Variants in PKHD1L1 observed in about 807,000 individuals in gnomAD.
PKHD1L1 encodes the protein PKHD1 like 1.
In PKHD1L1, 434 loss-of-function variants were observed where a neutral mutation model predicts 462.9. That is an observed-to-expected ratio of 0.94 (90% CI 0.87 to 1.02). The LOEUF (loss-of-function observed/expected upper bound fraction) is 1.02, where lower values mean the gene tolerates loss of function less well. Among genes scored for constraint, PKHD1L1 ranks in the 50% least tolerant of loss-of-function variants. The pLI, the probability that PKHD1L1 is intolerant of heterozygous loss-of-function variation, is 0.00. For synonymous variants in PKHD1L1, 1,781 were observed against 1,750.0 expected, an observed-to-expected ratio of 1.02 and a Z score of -0.44; for missense variants, 5,202 against 5,096.1, an observed-to-expected ratio of 1.02 and a Z score of -0.63.
intron 56 of PKHD1L1, among the ~76,000 whole-genome samples, chr8:109,482,658 A>C (rs1172396644): frequency 8.1e-6 from 1 of 123,870 alleles, no homozygotes; most frequent in Non-Finnish European, 1.7e-5. Context: ...ATTATTTTAC[A>C]GTATTAGTAA....
chr8:109,464,592 G>C lies in PKHD1L1; in HGVS notation c.7760G>C (p.Arg2587Pro). Residue 2587 changes from arginine (R) to proline (P), a missense_variant, in exon 49 of 78, where the codon CGG becomes CCG. Arg to Pro is a moderately radical substitution (Grantham distance 103, BLOSUM62 -2). This residue lies in a region of PKHD1L1 where 4,497 missense variants were observed against 4,336.8 expected (regional missense o/e 1.04). Transcript: ENST00000378402. ...AGGTHFGFWY[R>P]MNNHPDGPSY... ...GGCACTCACTTTGGCTTTTGGTACC[G>C]GATGAACAACCACCCTGATGGGCCA... The C allele has an allele frequency of 6.2e-7, 1 of 1,612,696 alleles. No homozygotes were observed. The highest frequency in any genetic ancestry group is 2.2e-5 in the East Asian group (1 of 44,862).
chr8:109,382,504 A>G lies in PKHD1L1; in HGVS notation c.350A>G (p.Asp117Gly). Residue 117 changes from aspartate (D) to glycine (G), a missense_variant, in exon 4 of 78, where the codon GAC becomes GGC. Coordinates refer to ENST00000378402, the MANE Select transcript of PKHD1L1 (RefSeq NM_177531.6). Reference sequence around the variant, plus strand: ...TCCTACACTGTTAGAGTCAGTGTGGACGGGGTTCCTGTTACGGAAAATAAC... The same window carrying G: ...TCCTACACTGTTAGAGTCAGTGTGGGCGGGGTTCCTGTTACGGAAAATAAC... ...EDSYTVRVSV[D>G]GVPVTENNTC... The G allele has an allele frequency of 6.2e-7, 1 of 1,612,540 alleles. No homozygotes were observed. The highest frequency in any genetic ancestry group is 8.5e-7 in the Non-Finnish European group (1 of 1,179,150).
rs996031293 is a variant in PKHD1L1, at chr8:109,480,226, C to A, written c.9327+87C>A. The A allele has an allele frequency of 2.4e-5, 33 of 1,386,634 alleles. No homozygotes were observed. The African/African-American group carries it at 3.9e-4, about 16-fold the overall frequency. 85.9% of individuals were successfully genotyped at this position (1,386,634 alleles called of 1,614,324 possible). A position where few individuals can be genotyped will look rare whatever the true frequency, so the allele number is the denominator to read the frequency against. On this transcript the variant is annotated intron_variant, in intron 55 of 77. Transcript: ENST00000378402. Reference sequence around the variant, plus strand: ...TCAAATAATAAGAAAGAAGCATATTCAATTGGTGTGAATAAAAACACAACT... The same window carrying A: ...TCAAATAATAAGAAAGAAGCATATTAAATTGGTGTGAATAAAAACACAACT...
chr8:109,515,213 A>G lies in PKHD1L1; in HGVS notation c.11597A>G (p.Asp3866Gly), dbSNP rs1360928843. 1.9e-6 allele frequency: 3 copies of G among 1,604,158 alleles called. No homozygotes were observed. In the Admixed American group the frequency reaches 5.1e-5, roughly 27 times the overall value. The change falls in exon 72 of 78, where the codon GAT (aspartate) becomes GGT (glycine). Residue 3866 changes from aspartate (D) to glycine (G), a missense_variant. Asp to Gly is a moderately conservative substitution (Grantham distance 94, BLOSUM62 -1). Coordinates refer to ENST00000378402, the MANE Select transcript of PKHD1L1 (RefSeq NM_177531.6). ...TTCTTTTCCACACTTCAACGTTTGG[A>G]TGTCTATGTGAACAACTTATTGGTC... ...GIFFSTLQRL[D>G]VYVNNLLVCP...
Position 109,498,713 on chromosome 8 carries a change from A to G in PKHD1L1, c.10770A>G (p.Arg3590=). The G allele has an allele frequency of 6.2e-7, 1 of 1,614,000 alleles. No homozygotes were observed. The highest frequency in any genetic ancestry group is 8.5e-7 in the Non-Finnish European group (1 of 1,179,886). The change falls in exon 67 of 78, where the codon CGA becomes CGG. Residue 3590 remains arginine (R), a synonymous_variant. Transcript: ENST00000378402. The part of the protein sequence containing the change: ...TFASAHNMAP[R]KPHAGIMSYN... ...CTTCAGCTCATAACATGGCACCCCGAAAGCCCCATGCAGGAATCATGAGTT... is the reference window on the plus strand; with the variant it reads ...CTTCAGCTCATAACATGGCACCCCGGAAGCCCCATGCAGGAATCATGAGTT...
intron 26 of PKHD1L1, 59 bp from the exon 27 acceptor site, chr8:109,429,873 C>T (rs757561122): frequency 7.4e-6 from 8 of 1,086,160 alleles, no homozygotes; most frequent in Admixed American, 3.9e-5. Context: ...AAAACCTATT[C>T]ATATTCTACT....
At chr8:109,514,494 T>A (rs1332336512) in intron 71 of PKHD1L1, among the ~76,000 whole-genome samples, 1 of 152,176 alleles carries the variant, frequency 6.6e-6, no homozygotes, top group Non-Finnish European at 1.5e-5. Context: ...TAGAAGAGAA[T>A]ATTTTACCTC....
chr8:109,413,903 A>G (rs868805775), intron 21 of PKHD1L1, among the ~76,000 whole-genome samples: 9 of 152,232 alleles, frequency 5.9e-5, no homozygotes, highest in South Asian at 2.1e-4. Flanking sequence ...TTATCACAAT[A>G]TAGTCATTAT....
Position 109,419,190 on chromosome 8 carries a change from A to G in PKHD1L1, c.2454A>G (p.Ala818=). The G allele has an allele frequency of 1.9e-6, 3 of 1,613,566 alleles. No homozygotes were observed. Among genetic ancestry groups the G allele is most frequent in the Non-Finnish European group, 8.5e-7 (1 of 1,179,574 alleles). Residue 818 remains alanine, a synonymous_variant, in exon 22 of 78, where the codon GCA becomes GCG. Coordinates refer to ENST00000378402, the MANE Select transcript of PKHD1L1 (RefSeq NM_177531.6). ...VSLQRISLHK[A]SESQSFYVDV... is the part of the protein sequence containing the mutation. ...TTCAGAGGATTAGCTTACATAAAGC[A>G]TCAGAATCACAGTCCTTCTATGTGG...
intron 72 of PKHD1L1, 23 bp from the exon 73 acceptor site, chr8:109,518,144 G>A: frequency 9.8e-6 from 14 of 1,426,902 alleles, no homozygotes; most frequent in Non-Finnish European, 1.4e-5. Flanking sequence ...TAGCTGTGAT[G>A]TTCTGGCTTT....
intron 2 of PKHD1L1, among the ~76,000 whole-genome samples, chr8:109,376,587 T>C (rs1467647685): frequency 6.6e-6 from 1 of 152,132 alleles, no homozygotes; most frequent in Admixed American, 6.6e-5. Flanking sequence ...GTCTTCTGCA[T>C]CGCTCATGCT....
chr8:109,498,711 C>T lies in PKHD1L1; in HGVS notation c.10768C>T (p.Arg3590Ter), dbSNP rs374892431. ...TFASAHNMAP[R>*]KPHAGIMSYN... is the part of the protein sequence containing the mutation. Reference sequence around the variant, plus strand: ...TGCTTCAGCTCATAACATGGCACCCCGAAAGCCCCATGCAGGAATCATGAG... The same window carrying T: ...TGCTTCAGCTCATAACATGGCACCCTGAAAGCCCCATGCAGGAATCATGAG... The change falls in exon 67 of 78, where the codon CGA becomes TGA. Residue 3590 changes from arginine to a stop codon, truncating the protein, a stop_gained. Coordinates refer to ENST00000378402, the MANE Select transcript of PKHD1L1 (RefSeq NM_177531.6). LOFTEE classifies it high-confidence loss of function. 33 of 1,613,934 alleles carry T rather than the reference C, an allele frequency of 2.0e-5. No individual in the cohort carries two copies. Among genetic ancestry groups the T allele is most frequent in the Middle Eastern group, 1.6e-4 (1 of 6,062 alleles).
At chr8:109,472,595 G>C (rs1012481860) in intron 50 of PKHD1L1, among the ~76,000 whole-genome samples, 1 of 152,052 alleles carries the variant, frequency 6.6e-6, no homozygotes, top group Non-Finnish European at 1.5e-5. Flanking sequence ...AAGGCTCAAC[G>C]CAGGACATTG....
chr8:109,422,117 C>A (rs1198805159), intron 23 of PKHD1L1, among the ~76,000 whole-genome samples: 1 of 152,202 alleles, frequency 6.6e-6, no homozygotes, highest in East Asian at 1.9e-4. Context: ...ATCCTTTACC[C>A]ATTTTCCCCC....
rs200522870 is a variant in PKHD1L1 at position 109,508,243 on chromosome 8, G to A, written c.11374G>A (p.Gly3792Ser). ...RLSPVAIMGN[G>S]YVDLINGPQD... Reference sequence around the variant, plus strand: ...TTCCCCAGTGGCTATAATGGGCAACGGTTATGTTGATCTTATTAATGGTAG... The same window carrying A: ...TTCCCCAGTGGCTATAATGGGCAACAGTTATGTTGATCTTATTAATGGTAG... The change falls in exon 70 of 78, where the codon GGT becomes AGT. Residue 3792 changes from glycine (G) to serine (S), a missense_variant. This residue lies in a region of PKHD1L1 where 698 missense variants were observed against 736.3 expected (regional missense o/e 0.95). Coordinates refer to ENST00000378402, the MANE Select transcript of PKHD1L1 (RefSeq NM_177531.6). The A allele has an allele frequency of 2.9e-4, 462 of 1,607,536 alleles. 2 individuals are homozygous for A. Among genetic ancestry groups the A allele is most frequent in the Middle Eastern group, 1.0e-3 (6 of 6,014 alleles).
At chr8:109,462,255 G>A (rs1023938139) in intron 48 of PKHD1L1, among the ~76,000 whole-genome samples, 1 of 152,010 alleles carries the variant, frequency 6.6e-6, no homozygotes, top group Non-Finnish European at 1.5e-5. Flanking sequence ...CTGCTCCCAC[G>A]TTGCTCTAAT....
chr8:109,417,584 C>T (rs1226090874), intron 21 of PKHD1L1, among the ~76,000 whole-genome samples: 6 of 152,106 alleles, frequency 3.9e-5, no homozygotes, highest in Non-Finnish European at 7.4e-5. Context: ...CACTCTGTTG[C>T]CAAGGTTGGA....
chr8:109,449,348 T>TG lies in PKHD1L1; in HGVS notation c.6041dup (p.Gln2015SerfsTer11), dbSNP rs1327680386. 3 of 1,573,328 alleles carry TG rather than the reference T, an allele frequency of 1.9e-6. No homozygotes were observed. The highest frequency in any genetic ancestry group is 2.6e-6 in the Non-Finnish European group (3 of 1,157,996). ...ATTTGTCTTCACTAGGGAGCTTTGG[T>TG]GGGGGTCAAACCATGACTGTGACAG... On this transcript the variant is annotated frameshift_variant, in exon 40 of 78. Coordinates refer to ENST00000378402, the MANE Select transcript of PKHD1L1 (RefSeq NM_177531.6). LOFTEE classifies it high-confidence loss of function.
chr8:109,443,929 C>T, intron 37 of PKHD1L1, 27 bp downstream of exon 37: 1 of 1,518,908 alleles, frequency 6.6e-7, no homozygotes, highest in Non-Finnish European at 9.1e-7. Flanking sequence ...CTCCTTTGTA[C>T]TTCTATTATA....
Sources: gnomAD v4.1 joint callset for allele counts (sites outside exome capture counted in the v4.1 genomes callset) on GRCh38, gnomAD v4.1.1 for gene constraint, gnomAD v4.1.1 regional missense constraint, MANE v1.5 for transcripts, NCBI Gene and HGNC (gene_info 2026-07-23, HGNC 2026-07-21) for gene names.